Variants in ERC2 observed in about 807,000 individuals in gnomAD.
ERC2 encodes ELKS/RAB6-interacting/CAST family member 2, also known as ERC protein 2.
In ERC2, 42 loss-of-function variants were observed where a neutral mutation model predicts 114.8. The ratio of observed to expected loss-of-function variants is 0.37; its 90% CI spans 0.29 to 0.47. ERC2 has a LOEUF of 0.47. ERC2 is among the 20% of genes least tolerant of loss of function. The pLI is 0.99. For synonymous variants in ERC2, 454 were observed against 425.5 expected, an observed-to-expected ratio of 1.07 and a Z score of -0.82; for missense variants, 939 against 1,150.7, an observed-to-expected ratio of 0.82 and a Z score of 2.66.
intron 2 of ERC2, among the ~76,000 whole-genome samples, chr3:56,405,787 T>C (rs553903897): frequency 6.6e-6 from 1 of 151,968 alleles, no homozygotes; most frequent in Non-Finnish European, 1.5e-5. Flanking sequence ...CCATCTTTTA[T>C]CAATATTTAA....
intron 12 of ERC2, among the ~76,000 whole-genome samples, chr3:55,960,861 A>G (rs565490624): frequency 2.0e-5 from 3 of 152,254 alleles, no homozygotes; most frequent in African/African-American, 7.2e-5. Flanking sequence ...TTGGCCGGGC[A>G]TGGTGGCTCA....
chr3:56,183,455 T>G (rs566901748), intron 3 of ERC2, among the ~76,000 whole-genome samples: 2 of 152,342 alleles, frequency 1.3e-5, no homozygotes, highest in South Asian at 2.1e-4. Flanking sequence ...ATATATGGAC[T>G]GACACACAGC....
At chr3:56,111,335 A>ATCTCTCTCCCTCAATC (rs1215666925) in intron 6 of ERC2, among the ~76,000 whole-genome samples, 2 of 113,658 alleles carry the variant, frequency 1.8e-5, no homozygotes, top group Non-Finnish European at 3.8e-5. Context: ...CTCTCTCTCA[A>ATCTCTCTCCCTCAATC]TCTCTCTCCC....
intron 1 of ERC2, among the ~76,000 whole-genome samples, chr3:56,446,625 C>CTTTTTTTTTTTTTTTTTTTTT (rs1318263302): frequency 8.9e-6 from 1 of 112,360 alleles, no homozygotes. Flanking sequence ...TTTTTTTTTT[C>CTTTTTTTTTTTTTTTTTTTTT]TTTCTTTTTT....
chr3:55,939,185 G>C (rs1472762821), intron 13 of ERC2, among the ~76,000 whole-genome samples: 1 of 152,128 alleles, frequency 6.6e-6, no homozygotes, highest in Non-Finnish European at 1.5e-5. Flanking sequence ...TCAACAAAGT[G>C]GCAGGGGCAA....
rs532707525 is a variant in ERC2, at chr3:55,563,254, G to A, written c.*40-51978C>T. Among the ~76,000 whole-genome samples, 5 of 151,956 alleles carry A rather than the reference G, an allele frequency of 3.3e-5. No homozygotes were observed. In the South Asian group the frequency reaches 6.2e-4, roughly 19 times the overall value. ...AGTAAGGTGGACTGTTGCCCTCTGC[G>A]TGGCCATCAGAATTCTGCTCCTCTG... On this transcript the variant is annotated intron_variant, in intron 17 of 17. Coordinates refer to ENST00000288221, the MANE Select transcript of ERC2 (RefSeq NM_015576.3).
intron 15 of ERC2, among the ~76,000 whole-genome samples, chr3:55,729,837 C>CAAAACAAAAA (rs2065138458): frequency 1.6e-5 from 1 of 61,630 alleles, no homozygotes; most frequent in African/African-American, 8.6e-5. Flanking sequence ...GACTCTATCG[C>CAAAACAAAAA]AAAAAAAAAA....
At chr3:55,975,599 T>C (rs529497240) in intron 12 of ERC2, among the ~76,000 whole-genome samples, 23 of 152,216 alleles carry the variant, frequency 1.5e-4, no homozygotes, top group Non-Finnish European at 3.1e-4. Flanking sequence ...TCATCATTAT[T>C]GCTTCTAGCT....
intron 12 of ERC2, among the ~76,000 whole-genome samples, chr3:55,981,641 A>G (rs952089456): frequency 4.6e-5 from 7 of 152,252 alleles, no homozygotes; most frequent in African/African-American, 1.7e-4. Flanking sequence ...AAAAGAAGGA[A>G]ATAGGGATTG....
intron 10 of ERC2, among the ~76,000 whole-genome samples, chr3:55,997,927 T>TG (rs2071709487): frequency 1.5e-5 from 1 of 68,546 alleles, no homozygotes; most frequent in African/African-American, 6.1e-5. Flanking sequence ...TGTGTGTTTT[T>TG]TGTTTTTTTT....
chr3:55,544,051 C>T (rs1292499110), intron 17 of ERC2, among the ~76,000 whole-genome samples: 1 of 152,194 alleles, frequency 6.6e-6, no homozygotes, highest in East Asian at 1.9e-4. Flanking sequence ...ATGGCTGGGG[C>T]AGGGCAGCAT....
At chr3:56,020,694 A>G (rs559210329) in intron 7 of ERC2, among the ~76,000 whole-genome samples, 4 of 152,328 alleles carry the variant, frequency 2.6e-5, no homozygotes, top group African/African-American at 9.6e-5. Context: ...ACACACATGT[A>G]CGCAAATCCA....
Position 55,683,874 on chromosome 3 carries a change from AGG to A in ERC2, c.2848-17_2848-16del. 1.2e-6 allele frequency: 2 copies of A among 1,611,062 alleles called. No individual in the cohort carries two copies. Among genetic ancestry groups the A allele is most frequent in the Non-Finnish European group, 1.7e-6 (2 of 1,178,746 alleles). On this transcript the variant is annotated splice_polypyrimidine_tract_variant and intron_variant, in intron 16 of 17. Coordinates refer to ENST00000288221, the MANE Select transcript of ERC2 (RefSeq NM_015576.3). ...TCCTCGTCATCCTGCGGCCGGCCCG[AGG>A]TGGGGAGGTGCACAGAGAGGAGGGG... is the stretch of plus-strand genomic sequence containing the variant.
intron 7 of ERC2, among the ~76,000 whole-genome samples, chr3:56,049,220 G>T (rs12637898): frequency 6.6e-6 from 1 of 151,986 alleles, no homozygotes; most frequent in South Asian, 2.1e-4. Flanking sequence ...GCTGGCTGCT[G>T]GGGGTGAGCG....
intron 17 of ERC2, among the ~76,000 whole-genome samples, chr3:55,677,096 A>G (rs539023587): frequency 6.6e-6 from 1 of 152,326 alleles, no homozygotes; most frequent in South Asian, 2.1e-4. Context: ...GGACTGAGAC[A>G]TTATTATCCT....
At chr3:56,405,025 T>C (rs6805882) in intron 2 of ERC2, among the ~76,000 whole-genome samples, 67,822 of 151,976 alleles carry the variant, frequency 0.45, 16,151 homozygotes, top group African/African-American at 0.6. Context: ...CAAGCGAACG[T>C]ACAAGCAAGG....
intron 2 of ERC2, among the ~76,000 whole-genome samples, chr3:56,392,261 C>T (rs1362330509): frequency 6.6e-6 from 1 of 152,166 alleles, no homozygotes; most frequent in Non-Finnish European, 1.5e-5. Flanking sequence ...GTTTCATTTT[C>T]TTTAAAATGG....
intron 17 of ERC2, among the ~76,000 whole-genome samples, chr3:55,603,393 G>C (rs1346508973): frequency 1.3e-5 from 2 of 152,164 alleles, no homozygotes; most frequent in African/African-American, 4.8e-5. Context: ...AGCACTTTGG[G>C]AGGCCGAGGC....
At chr3:56,292,145 A>G (rs1364115322) in intron 3 of ERC2, among the ~76,000 whole-genome samples, 1 of 152,178 alleles carries the variant, frequency 6.6e-6, no homozygotes, top group Admixed American at 6.5e-5. Context: ...ATATTTGCAT[A>G]TTAAAGACTG....
Sources: allele counts gnomAD v4.1 joint callset (sites outside exome capture counted in the v4.1 genomes callset), GRCh38; gene constraint gnomAD v4.1.1; transcripts MANE v1.5; gene names NCBI Gene and HGNC (gene_info 2026-07-23, HGNC 2026-07-21).